THSD1: variants seen among roughly 807,000 people sequenced by gnomAD.
THSD1 encodes thrombospondin type 1 domain containing 1.
THSD1 carries 34 observed loss-of-function variants against 46.3 expected under a neutral mutation model. That is an observed-to-expected ratio of 0.74 (90% CI 0.56 to 0.98). The LOEUF (loss-of-function observed/expected upper bound fraction) is 0.98. Ranked by LOEUF, THSD1 falls within the 50% of genes least tolerant of loss-of-function variation. The pLI is 0.00. For missense variants in THSD1, 1,023 were observed against 1,058.3 expected (o/e 0.97, Z 0.46); for synonymous variants, 407 against 416.5 (o/e 0.98, Z 0.28).
chr13:52,382,189 C>T lies in THSD1; in HGVS notation c.1181-3400G>A, dbSNP rs1254121853. Among the ~76,000 whole-genome samples the T allele has an allele frequency of 2.0e-5, 3 of 152,324 alleles. No homozygotes were observed. The East Asian group carries it at 5.8e-4, about 29-fold the overall frequency. On this transcript the variant is annotated intron_variant, in intron 4 of 4. Transcript: ENST00000258613. ...TCTCAAAATGCCCAAGACTCACCAT[C>T]TTCCCCTACAACTTGTGCTTCCTCT...
chr13:52,393,165 C>T (rs920111274), intron 3 of THSD1, among the ~76,000 whole-genome samples: 4 of 152,142 alleles, frequency 2.6e-5, no homozygotes, highest in African/African-American at 9.7e-5. Context: ...AAATTACTAA[C>T]CTTTCTGTGC....
At chr13:52,396,848 A>G (rs150777750) in intron 3 of THSD1, among the ~76,000 whole-genome samples, 1 of 152,352 alleles carries the variant, frequency 6.6e-6, no homozygotes, top group East Asian at 1.9e-4. Context: ...TTTGGCTTTG[A>G]ATTCCAATAA....
Position 52,402,524 on chromosome 13 carries a change from G to A in THSD1, c.58+19C>T, listed in dbSNP as rs955592347. On this transcript the variant is annotated intron_variant, in intron 2 of 4. Transcript: ENST00000258613. ...GTCTTATTGCTACCAGTAGCGTTAA[G>A]TATACTCACAATACTCACCATAGTC... The A allele has an allele frequency of 1.9e-6, 3 of 1,609,404 alleles. No homozygotes were observed. The highest frequency in any genetic ancestry group is 1.1e-5 in the South Asian group (1 of 90,832).
intron 4 of THSD1, among the ~76,000 whole-genome samples, chr13:52,382,636 C>T (rs1957701922): frequency 6.6e-6 from 1 of 152,150 alleles, no homozygotes; most frequent in Non-Finnish European, 1.5e-5. Context: ...ATTCATTGCT[C>T]CCTTTGCTAA....
intron 4 of THSD1, among the ~76,000 whole-genome samples, chr13:52,380,295 C>T (rs556924881): frequency 6.6e-6 from 1 of 150,566 alleles, no homozygotes; most frequent in Non-Finnish European, 1.5e-5. Flanking sequence ...GTTTGTATCA[C>T]CACCAGCTCT....
At chr13:52,398,519 G>C (rs529010514) in intron 2 of THSD1, 2 of 978,106 alleles carry the variant, frequency 2.0e-6, no homozygotes, top group Non-Finnish European at 2.4e-6. Context: ...TAAGATTATA[G>C]ACATGAGCCA....
intron 4 of THSD1, among the ~76,000 whole-genome samples, chr13:52,381,806 C>T (rs1957695269): frequency 6.6e-6 from 1 of 152,194 alleles, no homozygotes. Flanking sequence ...CCCTCTCACG[C>T]TCTCAGACCT....
At position 52,397,859 on chromosome 13, in the gene THSD1, C is replaced by T. The variant is rs571872713; in HGVS notation, c.394G>A (p.Val132Ile). Residue 132 changes from valine (V) to isoleucine (I), a missense_variant, in exon 3 of 5, where the codon GTT (valine) becomes ATT (isoleucine). Transcript: ENST00000258613. ...FLKVEWPVFH[V>I]DLNRSAKAAE... ...GCCTTGGCACTCCTATTCAAGTCAA[C>T]GTGAAAGACAGGCCATTCCACCTTC... 31 of 1,614,226 alleles carry T rather than the reference C, an allele frequency of 1.9e-5. No homozygotes were observed. In the South Asian group the frequency reaches 2.2e-4, roughly 11 times the overall value.
At position 52,399,698 on chromosome 13, in the gene THSD1, T is replaced by TA. The variant is rs1957838975; in HGVS notation, c.59-1505dup. On this transcript the variant is annotated intron_variant, in intron 2 of 4. Transcript: ENST00000258613. ...CACTTGTTTGAAAACCATAATAGGA[T>TA]AAAGTTCTTTTTTTCTCCAATTAAG... 2.6e-5 allele frequency among the ~76,000 whole-genome samples: 4 copies of TA among 152,212 alleles called. No individual in the cohort carries two copies. In the South Asian group the frequency reaches 8.3e-4, roughly 32 times the overall value.
intron 2 of THSD1, among the ~76,000 whole-genome samples, chr13:52,401,219 C>T (rs755259286): frequency 2.6e-5 from 4 of 152,082 alleles, no homozygotes; most frequent in Non-Finnish European, 5.9e-5. Context: ...GTGATCTGCC[C>T]GCCTCGGCTT....
At chr13:52,391,355 C>A (rs1230866440) in intron 3 of THSD1, among the ~76,000 whole-genome samples, 1 of 151,424 alleles carries the variant, frequency 6.6e-6, no homozygotes, top group Admixed American at 6.6e-5. Flanking sequence ...GTAGCTGGTA[C>A]TACAGGTGCA....
chr13:52,405,317 A>G (rs1334053934), intron 1 of THSD1, among the ~76,000 whole-genome samples: 1 of 152,242 alleles, frequency 6.6e-6, no homozygotes, highest in Non-Finnish European at 1.5e-5. Context: ...GAAAAAGTAA[A>G]TGAATTACAC....
chr13:52,390,795 A>T lies in THSD1; in HGVS notation c.1022-4609T>A, dbSNP rs9536055. On this transcript the variant is annotated intron_variant, in intron 3 of 4. Coordinates refer to ENST00000258613, the MANE Select transcript of THSD1 (RefSeq NM_018676.4). ...AGGACCACAAAAGGTAGAATTACAC[A>T]TGCTAAGAATCTTTTGTTGTTCCTT... Among the ~76,000 whole-genome samples, 818 of 152,342 alleles carry T rather than the reference A, an allele frequency of 5.4e-3. 7 individuals carry two copies. The highest frequency in any genetic ancestry group is 1.0e-2 in the Non-Finnish European group (677 of 68,034).
At chr13:52,401,714 T>G (rs1276306498) in intron 2 of THSD1, among the ~76,000 whole-genome samples, 1 of 152,234 alleles carries the variant, frequency 6.6e-6, no homozygotes, top group Admixed American at 6.5e-5. Flanking sequence ...CTGAATGAAA[T>G]GAACAGCACA....
chr13:52,377,794 G>C lies in THSD1; in HGVS notation c.2176C>G (p.Pro726Ala). Residue 726 changes from proline to alanine, a missense_variant, in exon 5 of 5, where the codon CCT (proline) becomes GCT (alanine). Coordinates refer to ENST00000258613, the MANE Select transcript of THSD1 (RefSeq NM_018676.4). ...SGTRGPLNPL[P>A]KSYTLGQPLR... ...GGCTGCCCCAAAGTGTAGGATTTAG[G>C]GAGAGGGTTTAATGGACCACGGGTT... The C allele has an allele frequency of 6.2e-7, 1 of 1,614,200 alleles. No homozygotes were observed. Among genetic ancestry groups the C allele is most frequent in the South Asian group, 1.1e-5 (1 of 91,080 alleles).
chr13:52,378,560 C>G lies in THSD1; in HGVS notation c.1410G>C (p.Glu470Asp). 6.2e-7 allele frequency: 1 copy of G among 1,614,206 alleles called. No homozygotes were observed. Among genetic ancestry groups the G allele is most frequent in the Non-Finnish European group, 8.5e-7 (1 of 1,180,036 alleles). The part of the protein sequence containing the change: ...RKNSDEENIC[E>D]LSEQRGSFSD... Reference sequence around the variant, plus strand: ...AGAAGCTCCCGCGCTGCTCGCTCAGCTCGCAGATATTCTCCTCGTCCGAGT... The same window carrying G: ...AGAAGCTCCCGCGCTGCTCGCTCAGGTCGCAGATATTCTCCTCGTCCGAGT... Residue 470 changes from glutamate (E) to aspartate (D), a missense_variant, in exon 5 of 5, where the codon GAG becomes GAC. Physicochemically the swap from Glu to Asp is conservative, Grantham distance 45. This residue lies in a region of THSD1 where 578 missense variants were observed against 497.4 expected (regional missense o/e 1.16). Transcript: ENST00000258613.
intron 4 of THSD1, among the ~76,000 whole-genome samples, chr13:52,385,381 C>G (rs184643207): frequency 2.6e-5 from 4 of 152,308 alleles, no homozygotes; most frequent in African/African-American, 9.6e-5. Context: ...CTGGGGCAAA[C>G]CTAACTGAGC....
In THSD1 at chr13:52,377,691, C is replaced by A. The variant is rs200293227; in HGVS notation, c.2279G>T (p.Arg760Leu). 6.2e-6 allele frequency: 10 copies of A among 1,609,914 alleles called. No individual in the cohort carries two copies. The East Asian group carries it at 2.2e-4, about 36-fold the overall frequency. Residue 760 changes from arginine to leucine, a missense_variant, in exon 5 of 5, where the codon CGT (arginine) becomes CTT (leucine). Physicochemically the swap from Arg to Leu is moderately radical, Grantham distance 102. Coordinates refer to ENST00000258613, the MANE Select transcript of THSD1 (RefSeq NM_018676.4). ...GIERTEPHRARRGPSPSHKSV... is the reference protein window; with the variant it reads ...GIERTEPHRALRGPSPSHKSV... ...CTTGTGACTGGGGGACGGTCCCCGA[C>A]GAGCTCTGTGGGGCTCTGTTCTCTC...
chr13:52,398,394 C>G (rs973540311), intron 2 of THSD1, 200 bp from the exon 3 acceptor site: 1 of 664,404 alleles, frequency 1.5e-6, no homozygotes, highest in African/African-American at 2.0e-5. Flanking sequence ...CTCGCCCTCA[C>G]GAATAGCTGG....
Sources: allele counts gnomAD v4.1 joint callset (sites outside exome capture counted in the v4.1 genomes callset), GRCh38; gene constraint gnomAD v4.1.1; regional missense constraint gnomAD v4.1.1; transcripts MANE v1.5; gene names NCBI Gene and HGNC (gene_info 2026-07-23, HGNC 2026-07-21).